The following CTNNA2 variants were observed in gnomAD, a reference collection of about 807,000 sequenced individuals.
CTNNA2 encodes the protein catenin alpha 2, also known as catenin alpha-2.
In CTNNA2, 42 loss-of-function variants were observed where a neutral mutation model predicts 101.0. That is an observed-to-expected ratio of 0.42 (90% CI 0.32 to 0.54). The LOEUF (loss-of-function observed/expected upper bound fraction) is 0.54. CTNNA2 is among the 20% of genes least tolerant of loss of function. The pLI is 0.14. For missense variants in CTNNA2, 871 were observed against 1,223.1 expected, an observed-to-expected ratio of 0.71 and a Z score of 4.29; for synonymous variants, 450 against 456.4, an observed-to-expected ratio of 0.99 and a Z score of 0.18.
At chr2:80,174,624 C>T (rs1488783191) in intron 7 of CTNNA2, among the ~76,000 whole-genome samples, 2 of 152,200 alleles carry the variant, frequency 1.3e-5, no homozygotes, top group Non-Finnish European at 1.5e-5. Context: ...GTCACAAAGA[C>T]ACCCCAAACT....
At chr2:80,431,665 A>G (rs1681517432) in intron 9 of CTNNA2, among the ~76,000 whole-genome samples, 1 of 152,178 alleles carries the variant, frequency 6.6e-6, no homozygotes, top group Admixed American at 6.5e-5. Flanking sequence ...CTGATCGGCA[A>G]TATGGAACCC....
intron 2 of CTNNA2, among the ~76,000 whole-genome samples, chr2:79,232,478 A>C (rs1674504849): frequency 6.6e-6 from 1 of 152,126 alleles, no homozygotes; most frequent in Non-Finnish European, 1.5e-5. Flanking sequence ...TATGTTCATC[A>C]GGGATATTGG....
At chr2:79,416,091 T>C (rs1678476343) in intron 4 of CTNNA2, among the ~76,000 whole-genome samples, 1 of 152,066 alleles carries the variant, frequency 6.6e-6, no homozygotes. Context: ...GCAACTCTCC[T>C]AGATTATTTC....
At chr2:79,290,088 A>T (rs1675755223) in intron 2 of CTNNA2, among the ~76,000 whole-genome samples, 1 of 152,130 alleles carries the variant, frequency 6.6e-6, no homozygotes, top group Non-Finnish European at 1.5e-5. Context: ...TGACCCTAAG[A>T]GTGAGAGACT....
chr2:79,899,257 C>T (rs980666740), intron 6 of CTNNA2, among the ~76,000 whole-genome samples: 7 of 152,204 alleles, frequency 4.6e-5, no homozygotes, highest in African/African-American at 1.4e-4. Context: ...ATTTTGGATA[C>T]TCACTTTCTA....
intron 7 of CTNNA2, chr2:80,029,400 ACT>A (rs1695143350): frequency 6.6e-6 from 1 of 152,140 alleles, no homozygotes; most frequent in Admixed American, 6.5e-5. Flanking sequence ...TCAAGAGTTC[ACT>A]CACCTCAATT....
intron 4 of CTNNA2, among the ~76,000 whole-genome samples, chr2:79,420,585 T>G (rs1678530880): frequency 6.6e-6 from 1 of 152,178 alleles, no homozygotes; most frequent in Admixed American, 6.5e-5. Flanking sequence ...GTTTATGTCT[T>G]GATTTGATCA....
chr2:80,404,988 G>A (rs560842668), intron 8 of CTNNA2, among the ~76,000 whole-genome samples: 57 of 152,254 alleles, frequency 3.7e-4, no homozygotes, highest in African/African-American at 1.3e-3. Flanking sequence ...AAACATTATT[G>A]CATTCAAAGC....
Position 79,842,829 on chromosome 2 carries a change from A to G in CTNNA2, c.299-15184A>G, listed in dbSNP as rs533969413. 2.0e-5 allele frequency among the ~76,000 whole-genome samples: 3 copies of G among 152,104 alleles called. No homozygotes were observed. The South Asian group carries it at 6.2e-4, about 32-fold the overall frequency. ...AAGTACATTATAAAAGACAGCTGTT[A>G]TTGTATTTTACATCATAGAATTCAA... On this transcript the variant is annotated intron_variant, in intron 3 of 18. Transcript: ENST00000402739.
intron 9 of CTNNA2, among the ~76,000 whole-genome samples, chr2:80,511,496 C>T (rs1349146231): frequency 2.0e-5 from 3 of 152,218 alleles, no homozygotes; most frequent in Non-Finnish European, 4.4e-5. Context: ...AGATGGTACT[C>T]TTACTGCTTT....
chr2:80,114,142 C>T (rs1310955055), intron 7 of CTNNA2, among the ~76,000 whole-genome samples: 2 of 152,230 alleles, frequency 1.3e-5, no homozygotes, highest in East Asian at 3.9e-4. Flanking sequence ...TTCTTCTATC[C>T]TCTGGGTATA....
At chr2:79,586,163 G>A (rs1419550921) in intron 1 of CTNNA2, among the ~76,000 whole-genome samples, 1 of 152,060 alleles carries the variant, frequency 6.6e-6, no homozygotes, top group East Asian at 1.9e-4. Context: ...ACCGGGTGCT[G>A]AACACTCGTA....
At chr2:79,975,802 A>G (rs1331226948) in intron 7 of CTNNA2, among the ~76,000 whole-genome samples, 1 of 152,214 alleles carries the variant, frequency 6.6e-6, no homozygotes, top group Non-Finnish European at 1.5e-5. Flanking sequence ...CTGTAGGCGC[A>G]CCACCCTCCA....
chr2:80,474,059 T>C (rs187736147), intron 9 of CTNNA2, among the ~76,000 whole-genome samples: 14 of 152,318 alleles, frequency 9.2e-5, no homozygotes, highest in Non-Finnish European at 1.8e-4. Flanking sequence ...TACAATTCAC[T>C]CTTGCTTCCT....
In CTNNA2 at chr2:79,402,520, A is replaced by G. The variant is rs369281558; in HGVS notation, c.-135+28507A>G. 2.5e-4 allele frequency among the ~76,000 whole-genome samples: 38 copies of G among 151,990 alleles called. No individual in the cohort carries two copies. The East Asian group carries it at 4.5e-3, about 18-fold the overall frequency. On this transcript the variant is annotated intron_variant, in intron 4 of 21. Coordinates refer to the CTNNA2 transcript ENST00000466387. ...AATTAGGCACAGTAAAAGATTATCA[A>G]TAATGACTAATAAAATAGAACAATT...
At chr2:80,148,330 T>C (rs1242271003) in intron 7 of CTNNA2, among the ~76,000 whole-genome samples, 1 of 152,192 alleles carries the variant, frequency 6.6e-6, no homozygotes, top group African/African-American at 2.4e-5. Context: ...GGAAACATCA[T>C]GTGAAAGACA....
intron 3 of CTNNA2, among the ~76,000 whole-genome samples, chr2:79,328,931 G>A (rs1040787069): frequency 6.6e-6 from 1 of 152,120 alleles, no homozygotes; most frequent in African/African-American, 2.4e-5. Context: ...TCCTTGGCTT[G>A]TGACAACATA....
chr2:80,238,965 A>G (rs952520328), intron 7 of CTNNA2, among the ~76,000 whole-genome samples: 10 of 152,220 alleles, frequency 6.6e-5, no homozygotes, highest in Non-Finnish European at 1.3e-4. Context: ...GCTAATTGTT[A>G]TAAAAATGTT....
In CTNNA2 at chr2:79,443,390, C is replaced by T. The variant is rs187652751; in HGVS notation, c.-134-61664C>T. 2.0e-4 allele frequency among the ~76,000 whole-genome samples: 30 copies of T among 152,214 alleles called. 2 individuals are homozygous for T. Among genetic ancestry groups the T allele is most frequent in the African/African-American group, 7.2e-4 (30 of 41,546 alleles). Reference sequence around the variant, plus strand: ...CTCAAGAAGAGACAGATAATTTGCCCTTCCTCCACTTTTTTTTTCTGGCTC... The same window carrying T: ...CTCAAGAAGAGACAGATAATTTGCCTTTCCTCCACTTTTTTTTTCTGGCTC... On this transcript the variant is annotated intron_variant, in intron 4 of 21. Transcript: ENST00000466387.
Sources: gnomAD v4.1 joint callset for allele counts (sites outside exome capture counted in the v4.1 genomes callset) on GRCh38, gnomAD v4.1.1 for gene constraint, MANE v1.5 for transcripts, NCBI Gene and HGNC (gene_info 2026-07-23, HGNC 2026-07-21) for gene names.